The following KLHL3 variants were observed in gnomAD, a reference collection of about 807,000 sequenced individuals.
KLHL3 encodes kelch-like protein 3.
In KLHL3, 19 loss-of-function variants were observed where a neutral mutation model predicts 70.5. The ratio of observed to expected loss-of-function variants is 0.27; its 90% confidence interval spans 0.19 to 0.40. KLHL3 has a LOEUF of 0.40. KLHL3 is among the 10% of genes least tolerant of loss of function. The pLI, the probability that KLHL3 is intolerant of heterozygous loss-of-function variation, is 1.00. For synonymous variants in KLHL3, 258 were observed against 290.3 expected (o/e 0.89, Z 1.13); for missense variants, 512 against 771.1 (o/e 0.66, Z 3.98).
At chr5:137,729,301 G>C (rs1302581049) in intron 1 of KLHL3, among the ~76,000 whole-genome samples, 1 of 152,198 alleles carries the variant, frequency 6.6e-6, no homozygotes. Context: ...AACAAAGAAA[G>C]TGTCATTTAG....
chr5:137,690,487 G>A (rs1752292282), intron 5 of KLHL3, among the ~76,000 whole-genome samples: 1 of 152,146 alleles, frequency 6.6e-6, no homozygotes, highest in Admixed American at 6.5e-5. Flanking sequence ...AGGGAAAAGA[G>A]AGCACAGGAA....
chr5:137,710,095 G>A (rs1378207819), intron 2 of KLHL3, among the ~76,000 whole-genome samples: 1 of 152,184 alleles, frequency 6.6e-6, no homozygotes, highest in Non-Finnish European at 1.5e-5. Flanking sequence ...CTCTGTGGCT[G>A]TAAATTCCAG....
At chr5:137,715,830 T>G (rs1483484492) in intron 2 of KLHL3, among the ~76,000 whole-genome samples, 1 of 152,238 alleles carries the variant, frequency 6.6e-6, no homozygotes, top group Non-Finnish European at 1.5e-5. Flanking sequence ...CAGTAATATA[T>G]GTGTTGTCAC....
Position 137,637,235 on chromosome 5 carries a change from C to T in KLHL3, c.1321+59G>A. 2.1e-6 allele frequency: 3 copies of T among 1,399,494 alleles called. No homozygotes were observed. In the South Asian group the frequency reaches 3.5e-5, roughly 16 times the overall value. 86.7% of individuals were successfully genotyped at this position (1,399,494 alleles called of 1,614,324 possible). ...AGGAAGCACCAAGCATGATGCTGGA[C>T]CCAGGACAAGGCCCGTGGGCCAGGT... On this transcript the variant is annotated intron_variant, in intron 11 of 14. Transcript: ENST00000309755.
Position 137,702,528 on chromosome 5 carries a change from C to A in KLHL3, c.242-4120G>T, listed in dbSNP as rs1268032367. Among the ~76,000 whole-genome samples the A allele has an allele frequency of 3.9e-5, 6 of 152,242 alleles. No individual in the cohort carries two copies. In the East Asian group the frequency reaches 1.2e-3, roughly 29 times the overall value. On this transcript the variant is annotated intron_variant, in intron 3 of 14. Transcript: ENST00000309755. ...CTGTAGATGAAAGCAGGAGCTGGAC[C>A]ATTTGAGGGACTTACAGGCCACGCT...
In KLHL3 at chr5:137,639,026, C is replaced by T. The variant is rs1750841356; in HGVS notation, c.1146G>A (p.Glu382=). 6.2e-7 allele frequency: 1 copy of T among 1,614,086 alleles called. No individual in the cohort carries two copies. The highest frequency in any genetic ancestry group is 1.3e-5 in the African/African-American group (1 of 74,928). ...DQWTSIASMQ[E]RRSTLGAAVL... ...CCGCTGCGCCCAGTGTGCTCCGGCG[C>T]TCCTGCATGCTGGCAATGGACGTCC... Residue 382 remains glutamate (E), a synonymous_variant, in exon 10 of 15, where the codon GAG becomes GAA. Transcript: ENST00000309755. This position sits in a 1 kb window ranked among gnomAD's most constrained non-coding sequence, Gnocchi z 5.0.
At chr5:137,627,798 C>T (rs1322827627) in intron 13 of KLHL3, among the ~76,000 whole-genome samples, 1 of 152,140 alleles carries the variant, frequency 6.6e-6, no homozygotes, top group Non-Finnish European at 1.5e-5. Context: ...GACAGGAATA[C>T]AAAGAAAGCA....
intron 4 of KLHL3, among the ~76,000 whole-genome samples, chr5:137,693,007 G>A (rs998573443): frequency 2.0e-5 from 3 of 152,298 alleles, no homozygotes; most frequent in East Asian, 3.9e-4. Flanking sequence ...TGCTTCTAAT[G>A]TACAGCCACG....
intron 2 of KLHL3, among the ~76,000 whole-genome samples, chr5:137,716,961 C>T (rs755506688): frequency 6.6e-6 from 1 of 152,200 alleles, no homozygotes; most frequent in Non-Finnish European, 1.5e-5. Context: ...TCAAGGGTCC[C>T]CTTGGCCAAA....
chr5:137,720,441 G>A, intron 2 of KLHL3, 24 bp downstream of exon 2: 1 of 1,613,828 alleles, frequency 6.2e-7, no homozygotes, highest in Non-Finnish European at 8.5e-7. Context: ...TTCTGCAAGG[G>A]CACGGACAAG....
intron 5 of KLHL3, among the ~76,000 whole-genome samples, chr5:137,690,536 A>G (rs769883457): frequency 2.2e-4 from 33 of 152,174 alleles, no homozygotes; most frequent in Admixed American, 4.6e-4. Context: ...AGAGCCAGAA[A>G]GAATCAGCAG....
chr5:137,635,143 T>C (rs1750736524), intron 11 of KLHL3, among the ~76,000 whole-genome samples: 1 of 152,210 alleles, frequency 6.6e-6, no homozygotes, highest in South Asian at 2.1e-4. Flanking sequence ...AATCTGCAAT[T>C]ATTTTAAGTT....
At chr5:137,628,656 G>T in intron 12 of KLHL3, 1 of 429,236 alleles carries the variant, frequency 2.3e-6, no homozygotes, top group Non-Finnish European at 4.1e-6. Context: ...GAAATATAAT[G>T]CAAATGTGAC....
chr5:137,720,444 C>A, intron 2 of KLHL3, 21 bp downstream of exon 2: 1 of 1,613,812 alleles, frequency 6.2e-7, no homozygotes, highest in Non-Finnish European at 8.5e-7. Flanking sequence ...TGCAAGGGCA[C>A]GGACAAGATA....
intron 4 of KLHL3, among the ~76,000 whole-genome samples, chr5:137,697,048 C>T (rs757003906): frequency 1.2e-4 from 18 of 152,130 alleles, no homozygotes; most frequent in Non-Finnish European, 2.2e-4. Flanking sequence ...CTCGGTGCAC[C>T]AAATCCTCAA....
intron 13 of KLHL3, chr5:137,628,029 T>C: frequency 4.4e-6 from 2 of 459,546 alleles, no homozygotes; most frequent in Non-Finnish European, 4.0e-6. Context: ...CCCAGGTCTG[T>C]GCTCATCTGT....
intron 10 of KLHL3, among the ~76,000 whole-genome samples, chr5:137,637,822 G>C (rs759151733): frequency 1.4e-4 from 22 of 152,176 alleles, no homozygotes; most frequent in Non-Finnish European, 3.2e-4. Context: ...GCGTGACCAA[G>C]TCAATGAGAC....
At chr5:137,722,612 A>T (rs1753016771) in intron 1 of KLHL3, among the ~76,000 whole-genome samples, 1 of 152,108 alleles carries the variant, frequency 6.6e-6, no homozygotes, top group Admixed American at 6.5e-5. Flanking sequence ...AAAAATGTTA[A>T]CTTCTATGTT....
chr5:137,706,107 T>C (rs1752680079), intron 3 of KLHL3: 1 of 985,398 alleles, frequency 1.0e-6, no homozygotes, highest in African/African-American at 1.7e-5. Context: ...AAGTGTGGGA[T>C]TGGTATTTGG....
Sources: allele counts gnomAD v4.1 joint callset (sites outside exome capture counted in the v4.1 genomes callset), GRCh38; gene constraint gnomAD v4.1.1; non-coding constraint Gnocchi (gnomAD v3.1); transcripts MANE v1.5; gene names NCBI Gene and HGNC (gene_info 2026-07-23, HGNC 2026-07-21).